The following ZC3HAV1 variants were observed in gnomAD, a reference collection of about 807,000 sequenced individuals.
ZC3HAV1 encodes the protein zinc finger CCCH-type containing, antiviral 1, also known as zinc finger CCCH-type antiviral protein 1.
ZC3HAV1 carries 41 observed loss-of-function variants against 86.6 expected under a neutral mutation model. The observed-to-expected ratio is 0.47, with a 90% CI of 0.37 to 0.61. The LOEUF is 0.61. Ranked by LOEUF, ZC3HAV1 falls within the 20% of genes least tolerant of loss-of-function variation. The pLI, the probability that ZC3HAV1 is intolerant of heterozygous loss-of-function variation, is 0.00. For synonymous variants in ZC3HAV1, 421 were observed against 432.1 expected (o/e 0.97, Z 0.32); for missense variants, 964 against 1,141.1 (o/e 0.84, Z 2.24).
At position 139,045,408 on chromosome 7, in the gene ZC3HAV1, G is replaced by A. The variant is rs926696534; in HGVS notation, c.*2186C>T. The A allele has an allele frequency of 1.3e-5, 2 of 152,208 alleles. No individual in the cohort carries two copies. The highest frequency in any genetic ancestry group is 4.8e-5 in the African/African-American group (2 of 41,440). The allele number at this position is 152,208 out of a possible 1,614,324, so 9.4% of individuals were successfully genotyped here. A position where few individuals can be genotyped will look rare whatever the true frequency, so the allele number is the denominator to read the frequency against. ...TTGAACTTTATCCTGAAGACTTGAT[G>A]TGTGTTTTGAATGTGCATTACTAAG... On this transcript the variant is annotated 3_prime_UTR_variant, in exon 13 of 13. Transcript: ENST00000242351.
Position 139,044,803 on chromosome 7 carries a change from A to G in ZC3HAV1, c.*2791T>C, listed in dbSNP as rs1815912804. 6.6e-6 allele frequency: 1 copy of G among 151,662 alleles called. No homozygotes were observed. The highest frequency in any genetic ancestry group is 1.5e-5 in the Non-Finnish European group (1 of 67,770). 9.4% of individuals were successfully genotyped at this position (151,662 alleles called of 1,614,324 possible). Reference sequence around the variant, plus strand: ...ACCTATAGCTCGTCTGCAAGAATATATCCTCATTTTCTCCACTTCGACAAC... The same window carrying G: ...ACCTATAGCTCGTCTGCAAGAATATGTCCTCATTTTCTCCACTTCGACAAC... On this transcript the variant is annotated 3_prime_UTR_variant, in exon 13 of 13. Coordinates refer to ENST00000242351, the MANE Select transcript of ZC3HAV1 (RefSeq NM_020119.4).
chr7:139,101,454 C>A (rs1368601883), intron 1 of ZC3HAV1, among the ~76,000 whole-genome samples: 1 of 114,348 alleles, frequency 8.7e-6, no homozygotes, highest in Non-Finnish European at 1.8e-5. Context: ...TCTGCCCTGC[C>A]GCCCCGTCTG....
At chr7:139,089,871 C>G (rs1817379329) in intron 1 of ZC3HAV1, 112 bp from the exon 2 acceptor site, 1 of 1,184,354 alleles carries the variant, frequency 8.4e-7, no homozygotes, top group Admixed American at 3.3e-5. Flanking sequence ...TCTCTGACAA[C>G]AGACACAGGT....
At position 139,083,807 on chromosome 7, in the gene ZC3HAV1, T is replaced by G. The variant is rs1486073149; in HGVS notation, c.670A>C (p.Met224Leu). The change falls in exon 3 of 13, where the codon ATG becomes CTG. Residue 224 changes from methionine (M) to leucine (L), a missense_variant. Met to Leu is a conservative substitution (Grantham distance 15). Transcript: ENST00000242351. ...CTGGGCCCTGGGGGATTCTTCTGCATGTGCTTGCTGTTGCAGATGTCCTGG... is the reference window on the plus strand; with the variant it reads ...CTGGGCCCTGGGGGATTCTTCTGCAGGTGCTTGCTGTTGCAGATGTCCTGG... ...NIQDICNSKH[M>L]QKNPPGPRAP... 1 of 1,612,710 alleles carries G rather than the reference T, an allele frequency of 6.2e-7. No homozygotes were observed. Among genetic ancestry groups the G allele is most frequent in the African/African-American group, 1.3e-5 (1 of 74,688 alleles).
chr7:139,047,637 T>C lies in ZC3HAV1; in HGVS notation c.2666A>G (p.Tyr889Cys). 6.2e-7 allele frequency: 1 copy of C among 1,614,120 alleles called. No homozygotes were observed. Among genetic ancestry groups the C allele is most frequent in the Non-Finnish European group, 8.5e-7 (1 of 1,180,030 alleles). ...TTTGTCTTCAGTATATTCAATCACATATTGTGGGTAAACCTGATCTTTCTG... is the reference window on the plus strand; with the variant it reads ...TTTGTCTTCAGTATATTCAATCACACATTGTGGGTAAACCTGATCTTTCTG... The part of the protein sequence containing the change: ...IFQKDQVYPQ[Y>C]VIEYTEDKAC... The change falls in exon 13 of 13, where the codon TAT (tyrosine) becomes TGT (cysteine). Residue 889 changes from tyrosine (Y) to cysteine (C), a missense_variant. Physicochemically the swap from Tyr to Cys is radical, Grantham distance 194 (BLOSUM62 -2). Transcript: ENST00000242351.
At chr7:139,052,740 G>A (rs1816170401) in intron 12 of ZC3HAV1, among the ~76,000 whole-genome samples, 1 of 150,396 alleles carries the variant, frequency 6.6e-6, no homozygotes, top group Non-Finnish European at 1.5e-5. Context: ...TTGGCAACAT[G>A]GCGAAACCCT....
At chr7:139,058,349 G>A (rs999707648) in intron 9 of ZC3HAV1, among the ~76,000 whole-genome samples, 1 of 151,592 alleles carries the variant, frequency 6.6e-6, no homozygotes, top group Admixed American at 6.6e-5. Flanking sequence ...AGTTACTTGG[G>A]TGACTGCAGT....
chr7:139,104,958 GGGAGGC>G (rs1426472174), intron 1 of ZC3HAV1, among the ~76,000 whole-genome samples: 2 of 149,458 alleles, frequency 1.3e-5, no homozygotes. Flanking sequence ...GCTTGAACCG[GGGAGGC>G]GGAGGTTGCA....
At chr7:139,109,002 C>G in intron 1 of ZC3HAV1, 22 bp downstream of exon 1, 1 of 1,525,974 alleles carries the variant, frequency 6.6e-7, no homozygotes, top group Non-Finnish European at 8.9e-7. Flanking sequence ...CGGACAGCGC[C>G]CCTCCCTCCG....
chr7:139,082,970 A>G (rs768619289), intron 3 of ZC3HAV1, among the ~76,000 whole-genome samples: 1 of 152,148 alleles, frequency 6.6e-6, no homozygotes, highest in African/African-American at 2.4e-5. Context: ...TCTTGTGATT[A>G]TGTAAGAGAA....
intron 5 of ZC3HAV1, among the ~76,000 whole-genome samples, chr7:139,077,188 TTA>T (rs2130701978): frequency 6.6e-6 from 1 of 152,306 alleles, no homozygotes; most frequent in Non-Finnish European, 1.5e-5. Context: ...GGTTAATTTT[TTA>T]TATGTTTTTA....
chr7:139,080,313 A>T (rs1344294694), intron 3 of ZC3HAV1, 70 bp from the exon 4 acceptor site: 1 of 1,568,604 alleles, frequency 6.4e-7, no homozygotes, highest in Non-Finnish European at 8.7e-7. Context: ...AGTTCCTACC[A>T]CCCTTCCTCC....
chr7:139,109,592 A>G lies in ZC3HAV1; in HGVS notation c.-261T>C. The G allele has an allele frequency of 2.4e-6, 1 of 414,492 alleles. No homozygotes were observed. Among genetic ancestry groups the G allele is most frequent in the Non-Finnish European group, 4.3e-6 (1 of 234,432 alleles). 25.7% of individuals were successfully genotyped at this position (414,492 alleles called of 1,614,324 possible). On this transcript the variant is annotated 5_prime_UTR_variant, in exon 1 of 13. Coordinates refer to ENST00000242351, the MANE Select transcript of ZC3HAV1 (RefSeq NM_020119.4). ...CCGCAAGGGCAACTGGGTGGAAAGA[A>G]AGAGAACGCGCGGGCAAATCTGCTG... is the stretch of plus-strand genomic sequence containing the variant.
intron 7 of ZC3HAV1, among the ~76,000 whole-genome samples, chr7:139,070,698 G>A (rs1816749569): frequency 6.7e-6 from 1 of 149,490 alleles, no homozygotes; most frequent in African/African-American, 2.5e-5. Context: ...AGGAAGGGCT[G>A]GGTTGGGTGC....
intron 2 of ZC3HAV1, among the ~76,000 whole-genome samples, chr7:139,086,371 A>T (rs1421326296): frequency 1.3e-5 from 2 of 152,212 alleles, no homozygotes; most frequent in African/African-American, 2.4e-5. Flanking sequence ...TTAGCTAAAA[A>T]TAAGCTTCAG....
intron 3 of ZC3HAV1, among the ~76,000 whole-genome samples, 153 bp from the exon 4 acceptor site, chr7:139,080,396 A>G (rs1215070055): frequency 6.6e-6 from 1 of 152,186 alleles, no homozygotes; most frequent in African/African-American, 2.4e-5. Flanking sequence ...AAAAATCTTG[A>G]AGATGGGTGG....
intron 4 of ZC3HAV1, chr7:139,079,097 G>T: frequency 1.3e-6 from 2 of 1,535,920 alleles, no homozygotes; most frequent in South Asian, 2.4e-5. Context: ...GTCCTTCAGT[G>T]ACTTACACTG....
At chr7:139,054,687 T>C (rs1816230521) in intron 10 of ZC3HAV1, among the ~76,000 whole-genome samples, 1 of 152,156 alleles carries the variant, frequency 6.6e-6, no homozygotes, top group Non-Finnish European at 1.5e-5. Context: ...CTGGAAACAA[T>C]GAGGTGCCTT....
intron 1 of ZC3HAV1, among the ~76,000 whole-genome samples, chr7:139,099,253 A>C (rs574605826): frequency 6.6e-6 from 1 of 152,174 alleles, no homozygotes; most frequent in Admixed American, 6.5e-5. Context: ...TTGTGTCACG[A>C]TGTTGCAGAA....
Sources: allele counts gnomAD v4.1 joint callset (sites outside exome capture counted in the v4.1 genomes callset), GRCh38; gene constraint gnomAD v4.1.1; transcripts MANE v1.5; gene names NCBI Gene and HGNC (gene_info 2026-07-23, HGNC 2026-07-21).